XYLT1: variants seen among roughly 807,000 people sequenced by gnomAD.
The protein encoded by XYLT1 is beta-D-xylosyltransferase 1.
Under a neutral mutation model 91.3 loss-of-function variants are expected in XYLT1, and 36 were observed. That is an observed-to-expected ratio of 0.39 (90% CI 0.30 to 0.52). The LOEUF (loss-of-function observed/expected upper bound fraction) is 0.52. Among genes scored for constraint, XYLT1 ranks in the 20% least tolerant of loss-of-function variants. The pLI is 0.68. For missense variants in XYLT1, 1,242 were observed against 1,284.5 expected, an observed-to-expected ratio of 0.97 and a Z score of 0.51; for synonymous variants, 588 against 532.0, an observed-to-expected ratio of 1.11 and a Z score of -1.45.
intron 1 of XYLT1, among the ~76,000 whole-genome samples, chr16:17,387,785 C>T (rs114176971): frequency 6.6e-6 from 1 of 152,316 alleles, no homozygotes; most frequent in African/African-American, 2.4e-5. Context: ...CTTTCCTAAC[C>T]ACGTAGGCTG....
intron 10 of XYLT1, among the ~76,000 whole-genome samples, chr16:17,122,119 C>CA (rs1327982516): frequency 6.6e-6 from 1 of 152,150 alleles, no homozygotes; most frequent in African/African-American, 2.4e-5. Context: ...GGTAGATAGC[C>CA]CACAGTGGAA....
chr16:17,134,767 A>G (rs368805529), intron 8 of XYLT1, 32 bp from the exon 9 acceptor site: 28 of 1,608,664 alleles, frequency 1.7e-5, no homozygotes, highest in Non-Finnish European at 2.4e-5. Flanking sequence ...TAGAAAAGCC[A>G]CATCAGCGAG....
At position 17,466,673 on chromosome 16, in the gene XYLT1, C is replaced by A. The variant is rs1371600699; in HGVS notation, c.363+3761G>T. ...AGAGAACGTCTAAAGTATGAAAAGA[C>A]CGGAAGGAAAGTGAATACATAGATA... is the stretch of plus-strand genomic sequence containing the variant. On this transcript the variant is annotated intron_variant, in intron 1 of 11. Transcript: ENST00000261381. Among the ~76,000 whole-genome samples, 3 of 152,100 alleles carry A rather than the reference C, an allele frequency of 2.0e-5. No individual in the cohort carries two copies. The East Asian group carries it at 5.8e-4, about 29-fold the overall frequency.
intron 5 of XYLT1, among the ~76,000 whole-genome samples, chr16:17,168,199 C>T (rs1044502201): frequency 2.6e-5 from 4 of 152,140 alleles, no homozygotes; most frequent in African/African-American, 7.2e-5. Context: ...TATAGGTGCC[C>T]GTTAATGGTG....
At chr16:17,435,769 A>G (rs2036450117) in intron 1 of XYLT1, among the ~76,000 whole-genome samples, 1 of 152,128 alleles carries the variant, frequency 6.6e-6, no homozygotes, top group Admixed American at 6.5e-5. Flanking sequence ...GGATTCTCTC[A>G]TTGACTTTAT....
chr16:17,292,222 T>C (rs1324082288), intron 2 of XYLT1, among the ~76,000 whole-genome samples: 5 of 152,130 alleles, frequency 3.3e-5, no homozygotes, highest in Non-Finnish European at 7.4e-5. Flanking sequence ...GCATTTAAAA[T>C]AATACCATAG....
rs961136657 is a variant in XYLT1, at chr16:17,402,747, T to TC, written c.364-44698_364-44697insG. Among the ~76,000 whole-genome samples the TC allele has an allele frequency of 6.0e-5, 9 of 150,814 alleles. 1 individual carries two copies. The highest frequency in any genetic ancestry group is 1.7e-4 in the African/African-American group (7 of 40,944). ...CTATATCCTTTTTTTTCTTTTCTTTTTTTTTTTTTTTAAGAGATAGGGTCT... is the reference window on the plus strand; with the variant it reads ...CTATATCCTTTTTTTTCTTTTCTTTTCTTTTTTTTTTTAAGAGATAGGGTCT... On this transcript the variant is annotated intron_variant, in intron 1 of 11. Transcript: ENST00000261381.
chr16:17,219,417 T>C (rs1318141577), intron 3 of XYLT1, among the ~76,000 whole-genome samples: 1 of 151,524 alleles, frequency 6.6e-6, no homozygotes, highest in Non-Finnish European at 1.5e-5. Flanking sequence ...AAATGTGAAA[T>C]GAATGAACGC....
chr16:17,181,676 G>A (rs2032073909), intron 5 of XYLT1, among the ~76,000 whole-genome samples: 1 of 152,138 alleles, frequency 6.6e-6, no homozygotes, highest in South Asian at 2.1e-4. Flanking sequence ...ACTTAGTGCT[G>A]GAGAGATTGC....
intron 5 of XYLT1, among the ~76,000 whole-genome samples, chr16:17,169,534 A>G (rs2031775855): frequency 6.6e-6 from 1 of 152,104 alleles, no homozygotes; most frequent in Admixed American, 6.5e-5. Context: ...CTCTTAACAC[A>G]CCAGCCCTTC....
At chr16:17,255,310 A>G (rs2033614848) in intron 3 of XYLT1, among the ~76,000 whole-genome samples, 1 of 151,940 alleles carries the variant, frequency 6.6e-6, no homozygotes, top group Admixed American at 6.6e-5. Flanking sequence ...GCCTATTTTT[A>G]TAAGTTAGGT....
chr16:17,108,827 G>A lies in XYLT1; in HGVS notation c.2748C>T (p.Ala916=), dbSNP rs765809794. The A allele has an allele frequency of 2.4e-5, 39 of 1,612,656 alleles. No homozygotes were observed. Among genetic ancestry groups the A allele is most frequent in the East Asian group, 1.6e-4 (7 of 44,880 alleles). Residue 916 remains alanine (A), a synonymous_variant, in exon 12 of 12, where the codon GCC becomes GCT. Transcript: ENST00000261381. The part of the protein sequence containing the change: ...LDSLVGGMWT[A]MDICATGPTA... ...TGGGGCCCGTGGCACAGATGTCCAT[G>A]GCAGTCCACATCCCGCCCACCAACG...
At chr16:17,111,799 A>G (rs1199802671) in intron 11 of XYLT1, among the ~76,000 whole-genome samples, 1 of 152,180 alleles carries the variant, frequency 6.6e-6, no homozygotes, top group Non-Finnish European at 1.5e-5. Context: ...CATTGAGCAC[A>G]TACTCTGTCT....
chr16:17,388,320 G>A (rs2035772902), intron 1 of XYLT1, among the ~76,000 whole-genome samples: 1 of 152,146 alleles, frequency 6.6e-6, no homozygotes, highest in Admixed American at 6.6e-5. Context: ...TTGCACCAAC[G>A]TAAAGTTGTA....
intron 6 of XYLT1, 77 bp from the exon 7 acceptor site, chr16:17,141,446 CA>C (rs747689065): frequency 7.0e-7 from 1 of 1,423,498 alleles, no homozygotes; most frequent in South Asian, 1.2e-5. Flanking sequence ...AATAAAACAA[CA>C]CAATCATAGC....
chr16:17,311,517 C>T (rs1289319435), intron 2 of XYLT1, among the ~76,000 whole-genome samples: 1 of 152,082 alleles, frequency 6.6e-6, no homozygotes, highest in African/African-American at 2.4e-5. Flanking sequence ...GGTTCAGGAC[C>T]ACGCTTCGAG....
chr16:17,227,036 A>G (rs1047820528), intron 3 of XYLT1: 1 of 152,234 alleles, frequency 6.6e-6, no homozygotes, highest in Admixed American at 6.5e-5. Flanking sequence ...GACAGATGCT[A>G]TTTATTCCAT....
intron 2 of XYLT1, among the ~76,000 whole-genome samples, chr16:17,346,723 T>G (rs768082708): frequency 8.5e-5 from 13 of 152,192 alleles, no homozygotes; most frequent in Non-Finnish European, 1.3e-4. Flanking sequence ...ACGTGGAGAC[T>G]GGTCATCTGA....
At chr16:17,145,689 A>G (rs1259838286) in intron 6 of XYLT1, among the ~76,000 whole-genome samples, 1 of 152,144 alleles carries the variant, frequency 6.6e-6, no homozygotes, top group Admixed American at 6.5e-5. Context: ...TTGAGATGAG[A>G]TTCCTCACTT....
Sources: gnomAD v4.1 joint callset for allele counts (sites outside exome capture counted in the v4.1 genomes callset) on GRCh38, gnomAD v4.1.1 for gene constraint, MANE v1.5 for transcripts, NCBI Gene and HGNC (gene_info 2026-07-23, HGNC 2026-07-21) for gene names.